The following TNXB variants were observed in gnomAD, a reference collection of about 807,000 sequenced individuals.
TNXB encodes the protein tenascin-X.
A neutral mutation model predicts 340.5 loss-of-function variants in TNXB; 183 were observed. The ratio of observed to expected loss-of-function variants is 0.54; its 90% confidence interval spans 0.48 to 0.61. TNXB has a LOEUF of 0.61. Among genes scored for constraint, TNXB ranks in the 20% least tolerant of loss-of-function variants. The pLI is 0.00. For synonymous variants in TNXB, 2,121 were observed against 2,314.5 expected (o/e 0.92, Z 2.40); for missense variants, 4,613 against 5,446.4 (o/e 0.85, Z 4.82).
chr6:32,105,924 G>A (rs749624247), intron 1 of TNXB, among the ~76,000 whole-genome samples: 2 of 152,180 alleles, frequency 1.3e-5, no homozygotes, highest in Non-Finnish European at 2.9e-5. Context: ...TATTCACACC[G>A]TGGAATAAAA....
Position 32,049,447 on chromosome 6 carries a change from C to T in TNXB, c.9580G>A (p.Asp3194Asn), listed in dbSNP as rs200036158. Residue 3194 changes from aspartate to asparagine, a missense_variant, in exon 28 of 44, where the codon GAC becomes AAC. Physicochemically the swap from Asp to Asn is conservative, Grantham distance 23. Around this residue, in one of 7 missense-constraint regions of TNXB, gnomAD observed 4,327 missense variants for 4,859.4 expected, o/e 0.89. Transcript: ENST00000644971. This position sits in a 1 kb window ranked among gnomAD's most constrained non-coding sequence, Gnocchi z 4.5. ...TCCTTGTACTGCACGGTGAAGGAGT[C>T]GAAGCGGCCCTGGGGGACGGTCCAG... Reference protein sequence around the residue: ...LSWTVPQGRFDSFTVQYKDRD... With the variant: ...LSWTVPQGRFNSFTVQYKDRD... 676 of 1,612,710 alleles carry T rather than the reference C, an allele frequency of 4.2e-4. No homozygotes were observed. Among genetic ancestry groups the T allele is most frequent in the Non-Finnish European group, 5.4e-4 (642 of 1,179,882 alleles).
In TNXB at chr6:32,087,503, C is replaced by T. The variant is rs775068625; in HGVS notation, c.2779+1282G>A. 1 of 486,370 alleles carries T rather than the reference C, an allele frequency of 2.1e-6. No homozygotes were observed. The highest frequency in any genetic ancestry group is 4.1e-6 in the Non-Finnish European group (1 of 245,210). The allele number at this position is 486,370 out of a possible 1,614,324, so 30.1% of individuals were successfully genotyped here. On this transcript the variant is annotated intron_variant, in intron 6 of 43. Transcript: ENST00000644971. This position sits in a 1 kb window ranked among gnomAD's most constrained non-coding sequence, Gnocchi z 9.0. ...CCATCGGCGGAACTGCCCAGCACCTCTGGCTTGGGGTGGCGGGACGCAGCC... is the reference window on the plus strand; with the variant it reads ...CCATCGGCGGAACTGCCCAGCACCTTTGGCTTGGGGTGGCGGGACGCAGCC...
chr6:32,068,924 T>C lies in TNXB; in HGVS notation c.5800A>G (p.Ile1934Val), dbSNP rs780783028. Residue 1934 changes from isoleucine to valine, a missense_variant, in exon 16 of 44, where the codon ATC becomes GTC. Ile to Val is a conservative substitution (Grantham distance 29, BLOSUM62 3). This residue lies in a region of TNXB where 4,327 missense variants were observed against 4,859.4 expected (regional missense o/e 0.89). Coordinates refer to ENST00000644971, the MANE Select transcript of TNXB (RefSeq NM_001365276.2). This position sits in a 1 kb window ranked among gnomAD's most constrained non-coding sequence, Gnocchi z 5.3. ...TCGGATTCCAGGCCAGAGAGGGTGA[T>C]GTCATTCCGGTCACCTCCTATGCGG... ...MVRIGGDRND[I>V]TLSGLESDHR... 2 of 1,612,768 alleles carry C rather than the reference T, an allele frequency of 1.2e-6. No individual in the cohort carries two copies. The highest frequency in any genetic ancestry group is 1.7e-6 in the Non-Finnish European group (2 of 1,179,850).
chr6:32,093,233 T>G (rs1780159251), intron 4 of TNXB: 1 of 629,582 alleles, frequency 1.6e-6, no homozygotes, highest in East Asian at 2.7e-5. Context: ...CACTTTAAAA[T>G]GTTAGCAGTG....
In TNXB at chr6:32,079,379, T is replaced by C. The variant is rs369105246; in HGVS notation, c.4043-14A>G. ...CCTCCTGAGGAGCTGAGAGAAGAGA[T>C]AGAGGCATAAAGGGCTGCTGGCTTT... On this transcript the variant is annotated splice_polypyrimidine_tract_variant and intron_variant, in intron 10 of 43. Coordinates refer to ENST00000644971, the MANE Select transcript of TNXB (RefSeq NM_001365276.2). The surrounding 1 kb of genome is among the most constrained non-coding windows in gnomAD (Gnocchi z 7.1). 162 of 1,588,070 alleles carry C rather than the reference T, an allele frequency of 1.0e-4. No individual in the cohort carries two copies. The highest frequency in any genetic ancestry group is 5.8e-4 in the East Asian group (26 of 44,578).
chr6:32,049,566 G>A lies in TNXB; in HGVS notation c.9461C>T (p.Thr3154Ile), dbSNP rs771844955. The A allele has an allele frequency of 6.2e-7, 1 of 1,612,104 alleles. No homozygotes were observed. The highest frequency in any genetic ancestry group is 8.5e-7 in the Non-Finnish European group (1 of 1,179,514). The change falls in exon 28 of 44, where the codon ACA (threonine) becomes ATA (isoleucine). Residue 3154 changes from threonine to isoleucine, a missense_variant. Around this residue, in one of 7 missense-constraint regions of TNXB, gnomAD observed 4,327 missense variants for 4,859.4 expected, o/e 0.89. Coordinates refer to ENST00000644971, the MANE Select transcript of TNXB (RefSeq NM_001365276.2). This position sits in a 1 kb window ranked among gnomAD's most constrained non-coding sequence, Gnocchi z 4.5. ...GVTEEETPSP[T>I]EPSTEAPEAP... is the part of the protein sequence containing the mutation. ...CTCCGGGGCCTCAGTGCTGGGTTCT[G>A]TGGGGCTGGGGGTCTCTTCCTCTGC...
rs1370126330 is a variant in TNXB at position 32,108,661 on chromosome 6, C to T, written c.-9+520G>A. Among the ~76,000 whole-genome samples, 3 of 152,156 alleles carry T rather than the reference C, an allele frequency of 2.0e-5. No individual in the cohort carries two copies. The highest frequency in any genetic ancestry group is 2.0e-4 in the Admixed American group (3 of 15,276). On this transcript the variant is annotated intron_variant, in intron 1 of 43. Transcript: ENST00000644971. This position sits in a 1 kb window ranked among gnomAD's most constrained non-coding sequence, Gnocchi z 4.8. ...CTCACGCTGCCACCTAGGGAGTCCC[C>T]ATTTGGATGCCCAAAGAAGCACCCT...
rs1428189872 is a variant in TNXB at position 32,058,617 on chromosome 6, A to G, written c.7493-227T>C. On this transcript the variant is annotated intron_variant, in intron 21 of 43. Transcript: ENST00000644971. This position sits in a 1 kb window ranked among gnomAD's most constrained non-coding sequence, Gnocchi z 5.1. The stretch of plus-strand genomic sequence containing the variant: ...AGCTGCACTGTTAGAAACCTCCAGA[A>G]GGCAACTGAGACATAGTGTCAGGAG... Among the ~76,000 whole-genome samples, 12 of 151,830 alleles carry G rather than the reference A, an allele frequency of 7.9e-5. No individual in the cohort carries two copies.
At chr6:32,065,875 CTT>C (rs1778308350) in intron 18 of TNXB, among the ~76,000 whole-genome samples, 1 of 152,114 alleles carries the variant, frequency 6.6e-6, no homozygotes, top group Admixed American at 6.6e-5. Flanking sequence ...GTCTTGAACT[CTT>C]TACCTCAAGT....
In TNXB at chr6:32,082,448, C is replaced by T; in HGVS notation, c.3446-122G>A. The T allele has an allele frequency of 9.7e-7, 1 of 1,030,392 alleles. No individual in the cohort carries two copies. 63.8% of individuals were successfully genotyped at this position (1,030,392 alleles called of 1,614,324 possible). On this transcript the variant is annotated intron_variant, in intron 8 of 43. Coordinates refer to ENST00000644971, the MANE Select transcript of TNXB (RefSeq NM_001365276.2). This position sits in a 1 kb window ranked among gnomAD's most constrained non-coding sequence, Gnocchi z 5.0. The stretch of plus-strand genomic sequence containing the variant: ...TGTTCACTGCACAAAAGTGCATTTG[C>T]TGAGGGAGTACAGAGGGACTGAAAT...
chr6:32,084,389 C>A lies in TNXB; in HGVS notation c.3445+24G>T. ...AACCTCTTCAGGGCAGTACAGAGGG[C>A]AGGGTGTTACTGCTGTCACTCACAG... On this transcript the variant is annotated intron_variant, in intron 8 of 43. Transcript: ENST00000644971. The surrounding 1 kb of genome is among the most constrained non-coding windows in gnomAD (Gnocchi z 5.5). 2 of 1,563,806 alleles carry A rather than the reference C, an allele frequency of 1.3e-6. No individual in the cohort carries two copies. Among genetic ancestry groups the A allele is most frequent in the Non-Finnish European group, 8.7e-7 (1 of 1,150,944 alleles).
In TNXB at chr6:32,067,174, A is replaced by AGAAAGAAG. The variant is rs1778420209; in HGVS notation, c.6544+486_6544+487insCTTCTTTC. Reference sequence around the variant, plus strand: ...AAGAAAGAAAGAAAGAAAGAAAGAAAGAAAGAAAGAAAACATTCTAGTGAT... The same window carrying AGAAAGAAG: ...AAGAAAGAAAGAAAGAAAGAAAGAAAGAAAGAAGGAAAGAAAGAAAACATTCTAGTGAT... On this transcript the variant is annotated intron_variant, in intron 18 of 43. Transcript: ENST00000644971. The surrounding 1 kb of genome is among the most constrained non-coding windows in gnomAD (Gnocchi z 4.2). Among the ~76,000 whole-genome samples, 1 of 149,916 alleles carries AGAAAGAAG rather than the reference A, an allele frequency of 6.7e-6. No homozygotes were observed. The highest frequency in any genetic ancestry group is 1.5e-5 in the Non-Finnish European group (1 of 67,568).
chr6:32,096,383 C>A lies in TNXB; in HGVS notation c.1470G>T (p.Arg490=). 1 of 1,563,494 alleles carries A rather than the reference C, an allele frequency of 6.4e-7. No homozygotes were observed. Among genetic ancestry groups the A allele is most frequent in the Non-Finnish European group, 8.6e-7 (1 of 1,162,500 alleles). ...CAGGACAGGCGCGCGTGCCGCAGTC[C>A]CGGCCTGTGTACCCCGGCCAACACA... ...RCMCWPGYTG[R]DCGTRACPGD... is the part of the protein sequence containing the mutation. Residue 490 remains arginine, a synonymous_variant, in exon 3 of 44, where the codon CGG becomes CGT. Coordinates refer to ENST00000644971, the MANE Select transcript of TNXB (RefSeq NM_001365276.2).
rs1779412874 is a variant in TNXB at position 32,081,339 on chromosome 6, G to C, written c.4042+29C>G. ...CCCGCTCACAGGATGGGGCTAGCAG[G>C]GGAGGGAGGCCTGGCAGCCATGACT... On this transcript the variant is annotated intron_variant, in intron 10 of 43. Coordinates refer to ENST00000644971, the MANE Select transcript of TNXB (RefSeq NM_001365276.2). The surrounding 1 kb of genome is among the most constrained non-coding windows in gnomAD (Gnocchi z 5.1). The C allele has an allele frequency of 4.6e-6, 7 of 1,517,576 alleles. No homozygotes were observed. Among genetic ancestry groups the C allele is most frequent in the Non-Finnish European group, 6.2e-6 (7 of 1,124,622 alleles). The allele number at this position is 1,517,576 out of a possible 1,614,324, so 94.0% of individuals were successfully genotyped here. A position where few individuals can be genotyped will look rare whatever the true frequency, so the allele number is the denominator to read the frequency against.
chr6:32,105,963 C>T (rs1780956110), intron 1 of TNXB, among the ~76,000 whole-genome samples: 1 of 152,080 alleles, frequency 6.6e-6, no homozygotes. Context: ...TAGTTATATG[C>T]AGTAGTGTGA....
chr6:32,065,222 T>C (rs978403878), intron 18 of TNXB, 105 bp from the exon 19 acceptor site: 1 of 1,028,218 alleles, frequency 9.7e-7, no homozygotes, highest in Non-Finnish European at 1.4e-6. Flanking sequence ...TGGCCCTAAC[T>C]TAAGATCGAT....
rs1777392288 is a variant in TNXB, at chr6:32,052,988, C to T, written c.8797G>A (p.Glu2933Lys). ...PISVIGVTAA[E>K]EETPAPTEPS... The stretch of plus-strand genomic sequence containing the variant: ...TCTGTGGGGGCGGGAGTTTCTTCCT[C>T]TGCAGCTGAGAAGAGGGGACAGAGA... Residue 2933 changes from glutamate (E) to lysine (K), a missense_variant, in exon 26 of 44, where the codon GAG (glutamate) becomes AAG (lysine). Glu to Lys is a moderately conservative substitution (Grantham distance 56). This residue lies in a region of TNXB where 4,327 missense variants were observed against 4,859.4 expected (regional missense o/e 0.89). Transcript: ENST00000644971. This position sits in a 1 kb window ranked among gnomAD's most constrained non-coding sequence, Gnocchi z 4.7. The T allele has an allele frequency of 1.9e-6, 3 of 1,610,500 alleles. No homozygotes were observed. The highest frequency in any genetic ancestry group is 1.7e-6 in the Non-Finnish European group (2 of 1,178,612).
In TNXB at chr6:32,042,485, G is replaced by A. The variant is rs56345590; in HGVS notation, c.12180C>T (p.Cys4060=). The change falls in exon 40 of 44, where the codon TGC becomes TGT. Residue 4060 remains cysteine, a synonymous_variant. Coordinates refer to ENST00000644971, the MANE Select transcript of TNXB (RefSeq NM_001365276.2). The part of the protein sequence containing the change: ...GNRERPLNVF[C]DMETDGGGWL... ...AGCCGCCCCCATCAGTCTCCATGTC[G>A]CAAAACACGTTCAGGGGCCGCTCGC... The A allele has an allele frequency of 1.1e-5, 18 of 1,612,656 alleles. No homozygotes were observed. The highest frequency in any genetic ancestry group is 1.3e-5 in the Non-Finnish European group (15 of 1,179,974).
rs1207139632 is a variant in TNXB, at chr6:32,089,195, C to A, written c.2515+28G>T. The A allele has an allele frequency of 6.3e-7, 1 of 1,578,790 alleles. No individual in the cohort carries two copies. On this transcript the variant is annotated intron_variant, in intron 5 of 43. Coordinates refer to ENST00000644971, the MANE Select transcript of TNXB (RefSeq NM_001365276.2). The surrounding 1 kb of genome is among the most constrained non-coding windows in gnomAD (Gnocchi z 6.2). ...CTCTAGTCCAGATCTCCACTCAGGA[C>A]ACCCCTCCCCACAGCCCCAGCTCTC... is the stretch of plus-strand genomic sequence containing the variant.
Sources: gnomAD v4.1 joint callset for allele counts (sites outside exome capture counted in the v4.1 genomes callset) on GRCh38, gnomAD v4.1.1 for gene constraint, gnomAD v4.1.1 regional missense constraint, Gnocchi (gnomAD v3.1) non-coding constraint, MANE v1.5 for transcripts, NCBI Gene and HGNC (gene_info 2026-07-23, HGNC 2026-07-21) for gene names.